Variants in YPEL1 observed in about 807,000 individuals in gnomAD.
YPEL1 encodes the protein protein yippee-like 1.
A neutral mutation model predicts 17.3 loss-of-function variants in YPEL1; 7 were observed. The ratio of observed to expected loss-of-function variants is 0.40; its 90% confidence interval spans 0.23 to 0.76. YPEL1 has a LOEUF of 0.76. Among genes scored for constraint, YPEL1 ranks in the 30% least tolerant of loss-of-function variants. The pLI, the probability that YPEL1 is intolerant of heterozygous loss-of-function variation, is 0.35. For synonymous variants in YPEL1, 59 were observed against 59.6 expected (o/e 0.99, Z 0.05); for missense variants, 91 against 155.5 (o/e 0.59, Z 2.21).
intron 1 of YPEL1, among the ~76,000 whole-genome samples, chr22:21,726,883 G>A (rs564437771): frequency 5.9e-5 from 9 of 152,336 alleles, no homozygotes; most frequent in African/African-American, 2.2e-4. Context: ...CCAGTGGGAT[G>A]CAGAGGACGC....
intron 1 of YPEL1, among the ~76,000 whole-genome samples, chr22:21,718,980 T>G (rs1024555847): frequency 5.9e-5 from 9 of 152,224 alleles, no homozygotes; most frequent in Non-Finnish European, 1.0e-4. Context: ...TTGGGTTTCT[T>G]AGAATCAAGA....
At position 21,729,299 on chromosome 22, in the gene YPEL1, C is replaced by G. The variant is rs369235222; in HGVS notation, c.-165+6316G>C. On this transcript the variant is annotated intron_variant, in intron 1 of 4. Transcript: ENST00000339468. ...GCACTCCAGCATTGGTGACAGAGTA[C>G]GATCTTATCTCAAAAAAAAAGTTGA... 2.7e-5 allele frequency among the ~76,000 whole-genome samples: 4 copies of G among 147,118 alleles called. No individual in the cohort carries two copies. In the East Asian group the frequency reaches 6.1e-4, roughly 23 times the overall value.
Position 21,700,796 on chromosome 22 carries a change from C to A in YPEL1, c.*333G>T. 5.3e-6 allele frequency: 1 copy of A among 188,956 alleles called. No homozygotes were observed. Among genetic ancestry groups the A allele is most frequent in the South Asian group, 1.3e-4 (1 of 7,558 alleles). The allele number at this position is 188,956 out of a possible 1,614,324, so 11.7% of individuals were successfully genotyped here. A position where few individuals can be genotyped will look rare whatever the true frequency, so the allele number is the denominator to read the frequency against. On this transcript the variant is annotated 3_prime_UTR_variant, in exon 5 of 5. Coordinates refer to ENST00000339468, the MANE Select transcript of YPEL1 (RefSeq NM_013313.5). ...GGCCCCAGTTTGGTTTTCAACTGAA[C>A]CTTAAAAAAGCAGAGCCCAACTATA...
intron 1 of YPEL1, among the ~76,000 whole-genome samples, chr22:21,732,415 G>A (rs1191232255): frequency 6.6e-6 from 1 of 152,210 alleles, no homozygotes; most frequent in Admixed American, 6.5e-5. Context: ...TTTGAAAGCA[G>A]GGGGGCTTCT....
At chr22:21,725,597 G>A (rs1196304828) in intron 1 of YPEL1, among the ~76,000 whole-genome samples, 1 of 152,212 alleles carries the variant, frequency 6.6e-6, no homozygotes, top group Non-Finnish European at 1.5e-5. Context: ...AAAAATCACT[G>A]ACTAGTGTCC....
At chr22:21,705,617 C>G (rs1181458835) in intron 2 of YPEL1, among the ~76,000 whole-genome samples, 1 of 152,034 alleles carries the variant, frequency 6.6e-6, no homozygotes, top group East Asian at 1.9e-4. Flanking sequence ...CCCAGCAGTC[C>G]CACTTCTAAG....
chr22:21,720,514 A>T (rs1369381576), intron 1 of YPEL1, among the ~76,000 whole-genome samples: 2 of 149,478 alleles, frequency 1.3e-5, no homozygotes, highest in Non-Finnish European at 3.0e-5. Context: ...ATTTTTTGAG[A>T]CAGTCTCACT....
At chr22:21,732,887 G>T (rs2068401957) in intron 1 of YPEL1, among the ~76,000 whole-genome samples, 1 of 151,742 alleles carries the variant, frequency 6.6e-6, no homozygotes, top group South Asian at 2.1e-4. Flanking sequence ...GATCACTTGA[G>T]GCCAGGAGTT....
chr22:21,728,451 C>A (rs2068356578), intron 1 of YPEL1, among the ~76,000 whole-genome samples: 1 of 152,220 alleles, frequency 6.6e-6, no homozygotes, highest in Non-Finnish European at 1.5e-5. Context: ...CTGTCCTACA[C>A]TGCTCACCAT....
At chr22:21,721,728 ATTTT>A (rs1003910650) in intron 1 of YPEL1, among the ~76,000 whole-genome samples, 6 of 151,418 alleles carry the variant, frequency 4.0e-5, no homozygotes, top group Non-Finnish European at 7.4e-5. Flanking sequence ...CCGGCCCAAC[ATTTT>A]TTTTTCTTTA....
intron 1 of YPEL1, among the ~76,000 whole-genome samples, chr22:21,714,502 G>A (rs2068202332): frequency 6.6e-6 from 1 of 152,168 alleles, no homozygotes; most frequent in Non-Finnish European, 1.5e-5. Flanking sequence ...GTGCAGCTGG[G>A]CCCCCTTCAC....
At position 21,700,907 on chromosome 22, in the gene YPEL1, A is replaced by G; in HGVS notation, c.*222T>C. The G allele has an allele frequency of 2.3e-6, 1 of 431,938 alleles. No homozygotes were observed. 26.8% of individuals were successfully genotyped at this position (431,938 alleles called of 1,614,324 possible). On this transcript the variant is annotated 3_prime_UTR_variant, in exon 5 of 5. Coordinates refer to ENST00000339468, the MANE Select transcript of YPEL1 (RefSeq NM_013313.5). The stretch of plus-strand genomic sequence containing the variant: ...CTTTCTCTAGAACTTGAGAAGTTAG[A>G]AAAAGCTCATTGAAAATTTTCAGAA...
intron 1 of YPEL1, chr22:21,723,287 T>G (rs1366841871): frequency 1.3e-5 from 2 of 152,278 alleles, no homozygotes; most frequent in Admixed American, 6.6e-5. Context: ...CTCTGCCTCC[T>G]GTGTTCAAGC....
chr22:21,704,995 T>C (rs2068102544), intron 2 of YPEL1, among the ~76,000 whole-genome samples: 1 of 152,066 alleles, frequency 6.6e-6, no homozygotes, highest in Non-Finnish European at 1.5e-5. Flanking sequence ...AGATGGAGTG[T>C]CACTTTGTCA....
rs147967901 is a variant in YPEL1, at chr22:21,703,708, C to CG, written c.161+130dup. ...ATCCTTAGCGCGTTTCAGAAACTCC[C>CG]GGCGGGGGGATGGTGGGTTCTTTCA... On this transcript the variant is annotated intron_variant, in intron 3 of 4. Coordinates refer to ENST00000339468, the MANE Select transcript of YPEL1 (RefSeq NM_013313.5). This position sits in a 1 kb window ranked among gnomAD's most constrained non-coding sequence, Gnocchi z 6.1. 145,893 of 987,538 alleles carry CG rather than the reference C, an allele frequency of 0.15. 8,954 individuals are homozygous for CG. Among genetic ancestry groups the CG allele is most frequent in the Non-Finnish European group, 0.16 (108,614 of 672,976 alleles). The allele number at this position is 987,538 out of a possible 1,614,324, so 61.2% of individuals were successfully genotyped here.
At position 21,728,839 on chromosome 22, in the gene YPEL1, G is replaced by A. The variant is rs185075140; in HGVS notation, c.-165+6776C>T. Among the ~76,000 whole-genome samples the A allele has an allele frequency of 5.9e-5, 9 of 151,998 alleles. No individual in the cohort carries two copies. In the East Asian group the frequency reaches 1.5e-3, roughly 26 times the overall value. On this transcript the variant is annotated intron_variant, in intron 1 of 4. Coordinates refer to ENST00000339468, the MANE Select transcript of YPEL1 (RefSeq NM_013313.5). ...AGCTTGGGCAACATGGTGAAACCCC[G>A]TCTCTACAAAAAAATACAAAAGCCC...
chr22:21,699,672 T>C lies in YPEL1; in HGVS notation c.*1457A>G, dbSNP rs1039381838. On this transcript the variant is annotated 3_prime_UTR_variant, in exon 5 of 5. Transcript: ENST00000339468. ...CCTTTTCTGAACAAATTTTAAACAT[T>C]CTGGCAAATGTCAAGTTTTGAAGTT... The C allele has an allele frequency of 1.3e-5, 2 of 152,792 alleles. No homozygotes were observed. Among genetic ancestry groups the C allele is most frequent in the East Asian group, 1.9e-4 (1 of 5,344 alleles). 9.5% of individuals were successfully genotyped at this position (152,792 alleles called of 1,614,324 possible). A position where few individuals can be genotyped will look rare whatever the true frequency, so the allele number is the denominator to read the frequency against.
At chr22:21,706,248 G>A (rs2068114578) in intron 2 of YPEL1, among the ~76,000 whole-genome samples, 1 of 150,908 alleles carries the variant, frequency 6.6e-6, no homozygotes, top group African/African-American at 2.4e-5. Context: ...GGCCAACATG[G>A]TGAAACCCCG....
In YPEL1 at chr22:21,700,904, T is replaced by C. The variant is rs1037758545; in HGVS notation, c.*225A>G. On this transcript the variant is annotated 3_prime_UTR_variant, in exon 5 of 5. Transcript: ENST00000339468. ...ATTCTTTCTCTAGAACTTGAGAAGT[T>C]AGAAAAAGCTCATTGAAAATTTTCA... 8 of 427,296 alleles carry C rather than the reference T, an allele frequency of 1.9e-5. No individual in the cohort carries two copies. Among genetic ancestry groups the C allele is most frequent in the Non-Finnish European group, 2.9e-5 (7 of 240,214 alleles). 26.5% of individuals were successfully genotyped at this position (427,296 alleles called of 1,614,324 possible).
Sources: allele counts gnomAD v4.1 joint callset (sites outside exome capture counted in the v4.1 genomes callset), GRCh38; gene constraint gnomAD v4.1.1; non-coding constraint Gnocchi (gnomAD v3.1); transcripts MANE v1.5; gene names NCBI Gene and HGNC (gene_info 2026-07-23, HGNC 2026-07-21).